The following CDH4 variants were observed in gnomAD, a reference collection of about 807,000 sequenced individuals.
The protein encoded by CDH4 is cadherin 4, also known as cadherin-4.
A neutral mutation model predicts 86.0 loss-of-function variants in CDH4; 33 were observed. The ratio of observed to expected loss-of-function variants is 0.38; its 90% CI spans 0.29 to 0.51. The LOEUF is 0.51. CDH4 is among the 20% of genes least tolerant of loss of function. The probability of loss-of-function intolerance (pLI) is 0.86; values close to 1 mark genes in which losing one functional copy is unlikely to be tolerated. For synonymous variants in CDH4, 555 were observed against 549.4 expected, an observed-to-expected ratio of 1.01 and a Z score of -0.14; for missense variants, 1,114 against 1,307.4, an observed-to-expected ratio of 0.85 and a Z score of 2.28.
At chr20:61,294,487 C>T (rs981022833) in intron 2 of CDH4, among the ~76,000 whole-genome samples, 3 of 152,228 alleles carry the variant, frequency 2.0e-5, no homozygotes, top group Admixed American at 2.0e-4. Context: ...CTCTTCCCAT[C>T]ACCCTCCACC....
intron 2 of CDH4, among the ~76,000 whole-genome samples, chr20:61,453,518 A>T (rs1038852550): frequency 3.3e-5 from 5 of 152,234 alleles, no homozygotes; most frequent in Admixed American, 6.5e-5. Context: ...CTCAGGAGTA[A>T]AGGATTCAGT....
rs1440478775 is a variant in CDH4 at position 61,703,128 on chromosome 20, G to A, written c.170-40435G>A. Among the ~76,000 whole-genome samples the A allele has an allele frequency of 1.3e-5, 2 of 152,206 alleles. No homozygotes were observed. The highest frequency in any genetic ancestry group is 4.8e-5 in the African/African-American group (2 of 41,442). The stretch of plus-strand genomic sequence containing the variant: ...CTGGTGGGGCAGGGGGCCACGGGAT[G>A]TTAGAAATGCGGCAGAGACCAAGCT... On this transcript the variant is annotated intron_variant, in intron 2 of 15. Coordinates refer to ENST00000614565, the MANE Select transcript of CDH4 (RefSeq NM_001794.5). This position sits in a 1 kb window ranked among gnomAD's most constrained non-coding sequence, Gnocchi z 4.3.
At chr20:61,546,682 A>G (rs2145665692) in intron 2 of CDH4, among the ~76,000 whole-genome samples, 1 of 152,164 alleles carries the variant, frequency 6.6e-6, no homozygotes, top group East Asian at 1.9e-4. Context: ...CTGGAGATCC[A>G]GCTCTGAATG....
chr20:61,474,482 A>G (rs1028351316), intron 2 of CDH4, among the ~76,000 whole-genome samples: 1 of 151,874 alleles, frequency 6.6e-6, no homozygotes, highest in African/African-American at 2.4e-5. Context: ...CCAGAATAGT[A>G]CATTATTATT....
chr20:61,348,539 T>A lies in CDH4; in HGVS notation c.169+93602T>A, dbSNP rs143474873. Among the ~76,000 whole-genome samples, 872 of 152,290 alleles carry A rather than the reference T, an allele frequency of 5.7e-3. 3 individuals are homozygous for A. Among genetic ancestry groups the A allele is most frequent in the African/African-American group, 0.019 (788 of 41,564 alleles). ...ACTGAATGCTGCCCACTTTTTCTCATCTTAAAGCTGAGCTTCCAGTGAGAG... is the reference window on the plus strand; with the variant it reads ...ACTGAATGCTGCCCACTTTTTCTCAACTTAAAGCTGAGCTTCCAGTGAGAG... On this transcript the variant is annotated intron_variant, in intron 2 of 15. Coordinates refer to ENST00000614565, the MANE Select transcript of CDH4 (RefSeq NM_001794.5).
chr20:61,565,634 T>C (rs940425596), intron 2 of CDH4, among the ~76,000 whole-genome samples: 3 of 152,182 alleles, frequency 2.0e-5, no homozygotes, highest in African/African-American at 7.2e-5. Flanking sequence ...GGTGATCCAA[T>C]GTCTGCATGC....
chr20:61,313,969 A>G (rs2084462419), intron 2 of CDH4, among the ~76,000 whole-genome samples: 1 of 152,162 alleles, frequency 6.6e-6, no homozygotes, highest in Non-Finnish European at 1.5e-5. Flanking sequence ...TCCTGAGCTC[A>G]AGTGATCTGT....
At chr20:61,560,945 A>G (rs548216796) in intron 2 of CDH4, among the ~76,000 whole-genome samples, 62 of 152,330 alleles carry the variant, frequency 4.1e-4, no homozygotes, top group Admixed American at 1.1e-3. Flanking sequence ...CGCTGTGACC[A>G]GCCGTTTATA....
In CDH4 at chr20:61,311,946, T is replaced by C. The variant is rs80242191; in HGVS notation, c.169+57009T>C. On this transcript the variant is annotated intron_variant, in intron 2 of 15. Coordinates refer to ENST00000614565, the MANE Select transcript of CDH4 (RefSeq NM_001794.5). The stretch of plus-strand genomic sequence containing the variant: ...TCCTGTGCCCGAGCCTGTGAGGTCA[T>C]TGTGCGTGCACATGTGTACTGTATG... Among the ~76,000 whole-genome samples, 960 of 152,382 alleles carry C rather than the reference T, an allele frequency of 6.3e-3. 7 individuals carry two copies. Among genetic ancestry groups the C allele is most frequent in the African/African-American group, 0.021 (894 of 41,596 alleles).
intron 2 of CDH4, among the ~76,000 whole-genome samples, chr20:61,573,742 T>A (rs1282351171): frequency 6.6e-6 from 1 of 152,216 alleles, no homozygotes; most frequent in East Asian, 1.9e-4. Flanking sequence ...ACAGCCGATG[T>A]GCTCTGGGCC....
chr20:61,453,381 G>C (rs1385056976), intron 2 of CDH4, among the ~76,000 whole-genome samples: 4 of 152,176 alleles, frequency 2.6e-5, no homozygotes, highest in African/African-American at 9.6e-5. Context: ...TGAGCTTGCT[G>C]GGTTCGCATG....
intron 2 of CDH4, among the ~76,000 whole-genome samples, chr20:61,509,447 G>A (rs1428744082): frequency 6.7e-6 from 1 of 150,038 alleles, no homozygotes; most frequent in Non-Finnish European, 1.5e-5. Flanking sequence ...TTGCTTTGTC[G>A]AGGGTATCAA....
At chr20:61,918,769 C>T (rs1000404334) in intron 9 of CDH4, among the ~76,000 whole-genome samples, 1 of 152,212 alleles carries the variant, frequency 6.6e-6, no homozygotes, top group Admixed American at 6.5e-5. Flanking sequence ...AGGACCAGAA[C>T]TGTGATCTCT....
intron 2 of CDH4, among the ~76,000 whole-genome samples, chr20:61,290,580 T>C (rs1019405009): frequency 5.3e-5 from 8 of 152,228 alleles, no homozygotes; most frequent in African/African-American, 1.9e-4. Flanking sequence ...CAGCGTGACA[T>C]GTTGACTACC....
At chr20:61,769,709 T>C (rs939590829) in intron 3 of CDH4, among the ~76,000 whole-genome samples, 1 of 152,120 alleles carries the variant, frequency 6.6e-6, no homozygotes, top group Non-Finnish European at 1.5e-5. Flanking sequence ...GAGGGAGGAC[T>C]TATGGGGAGA....
At chr20:61,445,635 C>T (rs1341625867) in intron 2 of CDH4, among the ~76,000 whole-genome samples, 1 of 152,046 alleles carries the variant, frequency 6.6e-6, no homozygotes, top group African/African-American at 2.4e-5. Flanking sequence ...GGCCATTCTA[C>T]TTTTAGTTCT....
intron 2 of CDH4, among the ~76,000 whole-genome samples, chr20:61,364,353 G>T (rs1238464506): frequency 7.1e-6 from 1 of 141,550 alleles, no homozygotes; most frequent in African/African-American, 3.2e-5. Flanking sequence ...AACACCGCAG[G>T]GCTATCCCTG....
intron 7 of CDH4, among the ~76,000 whole-genome samples, chr20:61,877,016 C>T (rs546496714): frequency 2.2e-4 from 34 of 152,302 alleles, no homozygotes; most frequent in Admixed American, 7.2e-4. Context: ...GGATCAAGAG[C>T]GCCACGGAGC....
chr20:61,930,393 C>CA (rs141878430), intron 13 of CDH4, among the ~76,000 whole-genome samples: 1,988 of 152,118 alleles, frequency 0.013, 46 homozygotes, highest in African/African-American at 0.043. Flanking sequence ...TGAGGGCTGG[C>CA]GGGGGGGCGG....
Sources: gnomAD v4.1 joint callset for allele counts (sites outside exome capture counted in the v4.1 genomes callset) on GRCh38, gnomAD v4.1.1 for gene constraint, Gnocchi (gnomAD v3.1) non-coding constraint, MANE v1.5 for transcripts, NCBI Gene and HGNC (gene_info 2026-07-23, HGNC 2026-07-21) for gene names.